The following EMC1 variants were observed in gnomAD, a reference collection of about 807,000 sequenced individuals.
The protein encoded by EMC1 is ER membrane protein complex subunit 1.
Under a neutral mutation model 128.8 loss-of-function variants are expected in EMC1, and 103 were observed. The ratio of observed to expected loss-of-function variants is 0.80; its 90% CI spans 0.68 to 0.94. The LOEUF is 0.94. Among genes scored for constraint, EMC1 ranks in the 40% least tolerant of loss-of-function variants. The pLI is 0.00. For synonymous variants in EMC1, 442 were observed against 490.4 expected (o/e 0.90, Z 1.30); for missense variants, 1,083 against 1,250.6 (o/e 0.87, Z 2.02).
At position 19,223,572 on chromosome 1, in the gene EMC1, GGA is replaced by G. The variant is rs762792538; in HGVS notation, c.2203-5_2203-4del. 4.2e-5 allele frequency: 68 copies of G among 1,612,768 alleles called. No homozygotes were observed. In the African/African-American group the frequency reaches 6.8e-4, roughly 16 times the overall value. Reference sequence around the variant, plus strand: ...GCCAGCAGGTTGGGGTTCAGGCTCTGGAGAGAGAGAGAAAACCTCCCTTAGAA... The same window carrying G: ...GCCAGCAGGTTGGGGTTCAGGCTCTGGAGAGAGAGAAAACCTCCCTTAGAA... On this transcript the variant is annotated splice_polypyrimidine_tract_variant and splice_region_variant and intron_variant, in intron 18 of 22. Transcript: ENST00000477853.
chr1:19,238,938 T>A (rs983815108), intron 9 of EMC1, 81 bp from the exon 10 acceptor site: 2 of 1,026,998 alleles, frequency 1.9e-6, no homozygotes, highest in Non-Finnish European at 1.5e-6. Context: ...TGTTTTTGTC[T>A]TCTTAGCACT....
chr1:19,229,381 C>G (rs997005369), intron 17 of EMC1: 3 of 152,180 alleles, frequency 2.0e-5, no homozygotes, highest in Non-Finnish European at 4.4e-5. Flanking sequence ...AGGAAGGTCA[C>G]CAAGTGAGGG....
At chr1:19,231,590 C>T (rs889282967) in intron 15 of EMC1, among the ~76,000 whole-genome samples, 168 bp from the exon 16 acceptor site, 5 of 152,174 alleles carry the variant, frequency 3.3e-5, no homozygotes, top group African/African-American at 4.8e-5. Flanking sequence ...CCTAGGCTAA[C>T]GTCACAAAGA....
At chr1:19,227,582 A>AT in intron 17 of EMC1, 132 bp from the exon 18 acceptor site, 2 of 1,122,886 alleles carry the variant, frequency 1.8e-6, no homozygotes, top group Non-Finnish European at 2.5e-6. Context: ...AACTAGAAAA[A>AT]TGAGCCAGGA....
intron 19 of EMC1, chr1:19,223,104 G>T (rs2093444691): frequency 1.8e-6 from 1 of 556,418 alleles, no homozygotes; most frequent in Non-Finnish European, 3.2e-6. Flanking sequence ...TAGGTGCCAG[G>T]CATTGTTCTT....
chr1:19,222,369 C>T (rs376373390), intron 20 of EMC1, among the ~76,000 whole-genome samples: 27 of 152,228 alleles, frequency 1.8e-4, no homozygotes, highest in Middle Eastern at 3.4e-3. Context: ...CACACCACTG[C>T]ACTCCAGCCT....
At chr1:19,219,757 T>C in intron 21 of EMC1, 59 bp from the exon 22 acceptor site, 2 of 1,599,510 alleles carry the variant, frequency 1.3e-6, no homozygotes, top group Non-Finnish European at 1.7e-6. Context: ...ATCTCTTGGC[T>C]GCCCTTCCTG....
rs939064879 is a variant in EMC1 at position 19,231,043 on chromosome 1, C to A, written c.1945-80G>T. ...GAGCCTTAAGAATAAAACTGCAAATCAGTTGATTTGAACTCAGTTTAGGGT... is the reference window on the plus strand; with the variant it reads ...GAGCCTTAAGAATAAAACTGCAAATAAGTTGATTTGAACTCAGTTTAGGGT... On this transcript the variant is annotated intron_variant, in intron 16 of 22. Transcript: ENST00000477853. The A allele has an allele frequency of 9.6e-6, 15 of 1,558,364 alleles. No homozygotes were observed. In the African/African-American group the frequency reaches 1.5e-4, roughly 16 times the overall value.
intron 18 of EMC1, among the ~76,000 whole-genome samples, chr1:19,224,974 A>G (rs532547650): frequency 6.6e-6 from 1 of 152,214 alleles, no homozygotes; most frequent in East Asian, 1.9e-4. Context: ...ACTCCGTGCC[A>G]CTTTCTCACT....
chr1:19,250,435 ATGTG>A (rs1558118122), intron 1 of EMC1, among the ~76,000 whole-genome samples: 1 of 152,180 alleles, frequency 6.6e-6, no homozygotes, highest in Non-Finnish European at 1.5e-5. Flanking sequence ...CCCGATATAT[ATGTG>A]TAACATACAC....
At chr1:19,238,489 C>A (rs1475843733) in intron 10 of EMC1, among the ~76,000 whole-genome samples, 1 of 152,150 alleles carries the variant, frequency 6.6e-6, no homozygotes, top group African/African-American at 2.4e-5. Context: ...CAGCCAGGGG[C>A]TCATGCCTCT....
chr1:19,239,308 G>A lies in EMC1; in HGVS notation c.955-6C>T, dbSNP rs2151957494. 5 of 1,613,884 alleles carry A rather than the reference G, an allele frequency of 3.1e-6. No homozygotes were observed. In the African/African-American group the frequency reaches 5.3e-5, roughly 17 times the overall value. The stretch of plus-strand genomic sequence containing the variant: ...GCAAAGCTCACTAGGGCAGTCTGGG[G>A]GAAAAGCAAGGCATCAGCTCCTAAA... On this transcript the variant is annotated splice_region_variant and splice_polypyrimidine_tract_variant and intron_variant, in intron 8 of 22. Transcript: ENST00000477853.
chr1:19,235,199 G>A lies in EMC1; in HGVS notation c.1363C>T (p.Leu455=), dbSNP rs762460457. The stretch of plus-strand genomic sequence containing the variant: ...GTCAGGGGGAGGTCCACCATCTCTA[G>A]GCACACCACTTCTGCCAGGGACTCC... The part of the protein sequence containing the change: ...REESLAEVVC[L]EMVDLPLTGA... The change falls in exon 13 of 23, where the codon CTA becomes TTA. Residue 455 remains leucine, a synonymous_variant. Coordinates refer to ENST00000477853, the MANE Select transcript of EMC1 (RefSeq NM_015047.3). 1 of 1,613,960 alleles carries A rather than the reference G, an allele frequency of 6.2e-7. No individual in the cohort carries two copies. The highest frequency in any genetic ancestry group is 1.3e-5 in the African/African-American group (1 of 75,068).
intron 11 of EMC1, among the ~76,000 whole-genome samples, 195 bp downstream of exon 11, chr1:19,237,822 G>C (rs2093577398): frequency 6.6e-6 from 1 of 152,224 alleles, no homozygotes; most frequent in East Asian, 1.9e-4. Context: ...AACAGTCCCT[G>C]GTGCACAATG....
intron 1 of EMC1, among the ~76,000 whole-genome samples, chr1:19,245,872 C>T (rs1017620821): frequency 2.0e-5 from 3 of 151,868 alleles, no homozygotes; most frequent in African/African-American, 7.2e-5. Flanking sequence ...ACTGACCCAC[C>T]CGCCTCGGCC....
intron 17 of EMC1, chr1:19,229,512 C>T (rs996123387): frequency 1.3e-5 from 2 of 152,190 alleles, no homozygotes; most frequent in African/African-American, 2.4e-5. Context: ...GTCCTCAGGA[C>T]TCCAGATTCA....
At chr1:19,228,741 G>T (rs1458796271) in intron 17 of EMC1, among the ~76,000 whole-genome samples, 1 of 152,008 alleles carries the variant, frequency 6.6e-6, no homozygotes. Flanking sequence ...TAGGTCAATT[G>T]CATGTGAATG....
rs919648090 is a variant in EMC1 at position 19,223,552 on chromosome 1, C to G, written c.2220G>C (p.Leu740=). The part of the protein sequence containing the change: ...SVLYKSLNPN[L]LAVVTESTDA... ...CTGTGCTCTCTGTCACCACGGCCAG[C>G]AGGTTGGGGTTCAGGCTCTGGAGAG... The change falls in exon 19 of 23, where the codon CTG becomes CTC. Residue 740 remains leucine (L), a synonymous_variant. Coordinates refer to ENST00000477853, the MANE Select transcript of EMC1 (RefSeq NM_015047.3). The G allele has an allele frequency of 1.2e-6, 2 of 1,613,972 alleles. No individual in the cohort carries two copies. The highest frequency in any genetic ancestry group is 1.7e-6 in the Non-Finnish European group (2 of 1,180,022).
chr1:19,244,569 G>A (rs186840407), intron 2 of EMC1: 2 of 262,080 alleles, frequency 7.6e-6, no homozygotes. Flanking sequence ...ACGCCACCAT[G>A]CCTGATTTTT....
Sources: allele counts gnomAD v4.1 joint callset (sites outside exome capture counted in the v4.1 genomes callset), GRCh38; gene constraint gnomAD v4.1.1; transcripts MANE v1.5; gene names NCBI Gene and HGNC (gene_info 2026-07-23, HGNC 2026-07-21).